GALNTL6: variants seen among roughly 807,000 people sequenced by gnomAD.
GALNTL6 encodes the protein polypeptide N-acetylgalactosaminyltransferase like 6.
In GALNTL6, 46 loss-of-function variants were observed where a neutral mutation model predicts 73.7. The ratio of observed to expected loss-of-function variants is 0.62; its 90% CI spans 0.49 to 0.80. The LOEUF is 0.80. Ranked by LOEUF, GALNTL6 falls within the 30% of genes least tolerant of loss-of-function variation. The pLI is 0.00. For synonymous variants in GALNTL6, 259 were observed against 263.7 expected (o/e 0.98, Z 0.17); for missense variants, 604 against 755.0 (o/e 0.80, Z 2.34).
intron 9 of GALNTL6, among the ~76,000 whole-genome samples, chr4:172,936,299 T>C (rs1748615669): frequency 6.6e-6 from 1 of 152,178 alleles, no homozygotes; most frequent in Admixed American, 6.5e-5. Context: ...TGAGAGCTAT[T>C]TATGACAAAC....
At position 172,368,407 on chromosome 4, in the gene GALNTL6, A is replaced by C. The variant is rs1002604976; in HGVS notation, c.553+19718A>C. Among the ~76,000 whole-genome samples the C allele has an allele frequency of 2.4e-4, 36 of 152,192 alleles. 1 individual carries two copies. The Middle Eastern group carries it at 9.5e-3, about 40-fold the overall frequency. ...AAACAAATAACAACAACAAAAAAAA[A>C]CAAAATAATAGTAGAATGTTATCCA... On this transcript the variant is annotated intron_variant, in intron 5 of 12. Coordinates refer to ENST00000506823, the MANE Select transcript of GALNTL6 (RefSeq NM_001034845.3).
At chr4:171,909,134 T>G (rs1439460055) in intron 2 of GALNTL6, among the ~76,000 whole-genome samples, 4 of 129,184 alleles carry the variant, frequency 3.1e-5, no homozygotes, top group Non-Finnish European at 6.5e-5. Context: ...CCCTAAAACT[T>G]AAAGTATAAT....
intron 5 of GALNTL6, among the ~76,000 whole-genome samples, chr4:172,685,628 T>C (rs951962159): frequency 3.3e-4 from 50 of 152,190 alleles, no homozygotes; most frequent in African/African-American, 1.1e-3. Context: ...CTAATTCTTC[T>C]ATAACCATCT....
chr4:172,002,676 C>T (rs1740714476), intron 2 of GALNTL6, among the ~76,000 whole-genome samples: 1 of 152,122 alleles, frequency 6.6e-6, no homozygotes, highest in African/African-American at 2.4e-5. Context: ...TTCAAATCCC[C>T]TTAGAAAAAG....
At chr4:172,133,195 TAGCCTGAACTCC>T (rs1733546793) in intron 2 of GALNTL6, among the ~76,000 whole-genome samples, 2 of 152,190 alleles carry the variant, frequency 1.3e-5, no homozygotes, top group Non-Finnish European at 2.9e-5. Flanking sequence ...AAATATAAAT[TAGCCTGAACTCC>T]AGTTTTTCTC....
intron 5 of GALNTL6, among the ~76,000 whole-genome samples, chr4:172,570,820 G>A (rs1736732577): frequency 1.3e-5 from 2 of 152,082 alleles, no homozygotes; most frequent in African/African-American, 4.8e-5. Context: ...GAGCCCTGAG[G>A]TTGTTTTCCT....
At chr4:171,962,765 C>CT (rs139917729) in intron 2 of GALNTL6, among the ~76,000 whole-genome samples, 2 of 113,820 alleles carry the variant, frequency 1.8e-5, no homozygotes, top group Admixed American at 1.2e-4. Flanking sequence ...CTTGCTTTTA[C>CT]TTTTTTTTTT....
chr4:172,779,539 ATCCCATTC>A (rs2110891740), intron 5 of GALNTL6, among the ~76,000 whole-genome samples: 1 of 152,302 alleles, frequency 6.6e-6, no homozygotes, highest in African/African-American at 2.4e-5. Context: ...GCTCAATATT[ATCCCATTC>A]AAACGTCCCT....
rs1561097397 is a variant in GALNTL6, at chr4:173,031,937, TAAATGGAGACCGAAA to T, written c.1639-7994_1639-7980del. Among the ~76,000 whole-genome samples, 9 of 152,214 alleles carry T rather than the reference TAAATGGAGACCGAAA, an allele frequency of 5.9e-5. No individual in the cohort carries two copies. In the South Asian group the frequency reaches 1.9e-3, roughly 32 times the overall value. ...AAGCCTTCTCTGACAAACTAACTTCTAAATGGAGACCGAAAAGATGGAGACTTTTACCTTTTTAGA... is the reference window on the plus strand; with the variant it reads ...AAGCCTTCTCTGACAAACTAACTTCTAGATGGAGACTTTTACCTTTTTAGA... On this transcript the variant is annotated intron_variant, in intron 12 of 12. Transcript: ENST00000506823.
chr4:172,905,812 CAAAAAAAAAA>C (rs397996287), intron 8 of GALNTL6, among the ~76,000 whole-genome samples: 2 of 69,664 alleles, frequency 2.9e-5, no homozygotes, highest in Non-Finnish European at 5.5e-5. Flanking sequence ...AGAGATCACT[CAAAAAAAAAA>C]AAAAAAAAAA....
chr4:172,405,429 ATATATATATATATATTTT>A lies in GALNTL6; in HGVS notation c.553+56742_553+56759del, dbSNP rs1382799524. Among the ~76,000 whole-genome samples, 8 of 16,248 alleles carry A rather than the reference ATATATATATATATATTTT, an allele frequency of 4.9e-4. No individual in the cohort carries two copies. The East Asian group carries it at 0.01, about 20-fold the overall frequency. The allele number at this position is 16,248 out of a possible 152,430, so 10.7% of individuals were successfully genotyped here. A position where few individuals can be genotyped will look rare whatever the true frequency, so the allele number is the denominator to read the frequency against. On this transcript the variant is annotated intron_variant, in intron 5 of 12. Coordinates refer to ENST00000506823, the MANE Select transcript of GALNTL6 (RefSeq NM_001034845.3). ...TATATATATATATATATATATATAT[ATATATATATATATATTTT>A]TTTTTTTTTTTTTTTTTTTCTCCTT... is the stretch of plus-strand genomic sequence containing the variant.
chr4:172,581,698 C>T (rs899207296), intron 5 of GALNTL6, among the ~76,000 whole-genome samples: 3 of 152,192 alleles, frequency 2.0e-5, no homozygotes, highest in South Asian at 2.1e-4. Context: ...CCTTTCTCCA[C>T]GCATTACCTC....
At chr4:172,177,840 T>TGTGTGTGTATATATACACAC (rs1554000125) in intron 2 of GALNTL6, among the ~76,000 whole-genome samples, 1 of 77,232 alleles carries the variant, frequency 1.3e-5, no homozygotes, top group South Asian at 3.4e-4. Context: ...CACACATATA[T>TGTGTGTGTATATATACACAC]ATGTGTATAT....
chr4:172,172,081 A>G (rs1734848145), intron 2 of GALNTL6, among the ~76,000 whole-genome samples: 1 of 152,188 alleles, frequency 6.6e-6, no homozygotes, highest in South Asian at 2.1e-4. Flanking sequence ...AGTACCTCAG[A>G]ATGTGACTGT....
intron 2 of GALNTL6, among the ~76,000 whole-genome samples, chr4:172,075,572 C>CG (rs537133460): frequency 3.3e-5 from 5 of 152,000 alleles, no homozygotes; most frequent in Non-Finnish European, 7.4e-5. Context: ...CCTGACCTCG[C>CG]GATCTGCCCG....
intron 2 of GALNTL6, among the ~76,000 whole-genome samples, chr4:171,944,629 A>T (rs1340955842): frequency 6.6e-6 from 1 of 152,006 alleles, no homozygotes; most frequent in African/African-American, 2.4e-5. Context: ...CAGAAAATAC[A>T]TTCATTTCTA....
At chr4:172,015,160 C>T (rs941252208) in intron 2 of GALNTL6, among the ~76,000 whole-genome samples, 4 of 151,898 alleles carry the variant, frequency 2.6e-5, no homozygotes, top group Admixed American at 6.6e-5. Context: ...TATTGAAGTC[C>T]TCCACTATTA....
chr4:172,535,627 TAATACAC>T (rs1311974015), intron 5 of GALNTL6, among the ~76,000 whole-genome samples: 1 of 152,202 alleles, frequency 6.6e-6, no homozygotes, highest in East Asian at 1.9e-4. Context: ...TTAGAGAAGA[TAATACAC>T]AATACACATT....
chr4:172,712,762 T>A (rs1418558603), intron 5 of GALNTL6, among the ~76,000 whole-genome samples: 1 of 152,216 alleles, frequency 6.6e-6, no homozygotes. Context: ...TGGAACACTG[T>A]ATGCCTTGCA....
Sources: allele counts gnomAD v4.1 joint callset (sites outside exome capture counted in the v4.1 genomes callset), GRCh38; gene constraint gnomAD v4.1.1; transcripts MANE v1.5; gene names NCBI Gene and HGNC (gene_info 2026-07-23, HGNC 2026-07-21).